Variants in CNTN5 observed in about 807,000 individuals in gnomAD.
CNTN5 encodes the protein contactin-5.
Under a neutral mutation model 129.1 loss-of-function variants are expected in CNTN5, and 77 were observed. That is an observed-to-expected ratio of 0.60 (90% CI 0.50 to 0.72). CNTN5 has a LOEUF of 0.72. CNTN5 is among the 30% of genes least tolerant of loss of function. The pLI, the probability that CNTN5 is intolerant of heterozygous loss-of-function variation, is 0.00. For missense variants in CNTN5, 1,478 were observed against 1,328.8 expected (o/e 1.11, Z -1.75); for synonymous variants, 509 against 465.6 (o/e 1.09, Z -1.20).
chr11:99,971,908 A>G (rs1400681780), intron 8 of CNTN5, among the ~76,000 whole-genome samples: 4 of 151,114 alleles, frequency 2.6e-5, no homozygotes, highest in Non-Finnish European at 5.9e-5. Flanking sequence ...CAATAATGTG[A>G]TCCCCAAACA....
intron 2 of CNTN5, among the ~76,000 whole-genome samples, chr11:99,374,419 A>G (rs896011533): frequency 1.3e-5 from 2 of 152,172 alleles, no homozygotes; most frequent in African/African-American, 4.8e-5. Context: ...CAGTTTTTCA[A>G]TGTATATAAA....
Position 100,340,489 on chromosome 11 carries a change from GGAA to G in CNTN5, c.2760_2762del (p.Glu920del). On this transcript the variant is annotated inframe_deletion, in exon 22 of 25. Transcript: ENST00000524871. ...TTGGTTACTGGAAAGACATGGAACA[GGAA>G]GATACAGCAGAAACAGTCAAAACTA... 1 of 1,612,030 alleles carries G rather than the reference GGAA, an allele frequency of 6.2e-7. No individual in the cohort carries two copies. Among genetic ancestry groups the G allele is most frequent in the Non-Finnish European group, 8.5e-7 (1 of 1,178,988 alleles).
chr11:99,606,402 A>G (rs71474529), intron 3 of CNTN5, among the ~76,000 whole-genome samples: 4 of 137,370 alleles, frequency 2.9e-5, no homozygotes, highest in African/African-American at 1.1e-4. Flanking sequence ...GATGTGAAGG[A>G]CCTCTTCAAG....
intron 8 of CNTN5, among the ~76,000 whole-genome samples, chr11:99,982,461 T>A (rs1279578836): frequency 6.6e-6 from 1 of 151,622 alleles, no homozygotes; most frequent in African/African-American, 2.4e-5. Context: ...GTAGTGAAGG[T>A]TTTAATTAGA....
chr11:99,269,301 G>A (rs982882417), intron 1 of CNTN5, among the ~76,000 whole-genome samples: 4 of 150,616 alleles, frequency 2.7e-5, no homozygotes, highest in Non-Finnish European at 5.9e-5. Flanking sequence ...TATTACTTTA[G>A]GTAATAGTTT....
intron 3 of CNTN5, among the ~76,000 whole-genome samples, chr11:99,640,716 A>G (rs1452880905): frequency 6.6e-6 from 1 of 152,240 alleles, no homozygotes; most frequent in Non-Finnish European, 1.5e-5. Flanking sequence ...GCAATAGGCT[A>G]TACCATACCT....
intron 13 of CNTN5, among the ~76,000 whole-genome samples, chr11:100,157,928 C>T (rs1947312348): frequency 6.6e-6 from 1 of 151,530 alleles, no homozygotes; most frequent in Non-Finnish European, 1.5e-5. Flanking sequence ...TGAATTAAAG[C>T]TCTAAATACA....
intron 1 of CNTN5, among the ~76,000 whole-genome samples, chr11:99,139,610 A>G (rs1859415468): frequency 6.6e-6 from 1 of 151,888 alleles, no homozygotes; most frequent in South Asian, 2.1e-4. Flanking sequence ...TCCAATTATA[A>G]AACATCTTTT....
At chr11:99,649,092 T>C (rs1349240565) in intron 3 of CNTN5, among the ~76,000 whole-genome samples, 1 of 151,758 alleles carries the variant, frequency 6.6e-6, no homozygotes, top group Non-Finnish European at 1.5e-5. Flanking sequence ...TATTTGAGAA[T>C]CTTGATATGC....
chr11:99,540,787 A>G (rs915327356), intron 2 of CNTN5, among the ~76,000 whole-genome samples: 1 of 152,090 alleles, frequency 6.6e-6, no homozygotes, highest in African/African-American at 2.4e-5. Context: ...GAAATTTGGT[A>G]TATGATAGAT....
At chr11:99,711,892 T>A (rs1955005701) in intron 3 of CNTN5, among the ~76,000 whole-genome samples, 1 of 152,108 alleles carries the variant, frequency 6.6e-6, no homozygotes, top group African/African-American at 2.4e-5. Context: ...TGATGGGTAT[T>A]TGGGCTGGTT....
At chr11:99,992,520 AT>A (rs1203282154) in intron 8 of CNTN5, among the ~76,000 whole-genome samples, 3 of 152,056 alleles carry the variant, frequency 2.0e-5, no homozygotes, top group African/African-American at 7.2e-5. Context: ...CCATTCTTGA[AT>A]TTTTTTAATG....
chr11:100,195,761 C>T (rs768487977), intron 15 of CNTN5, among the ~76,000 whole-genome samples: 2 of 151,938 alleles, frequency 1.3e-5, no homozygotes, highest in Non-Finnish European at 2.9e-5. Context: ...CTCTCAGTTA[C>T]TTCAAACACT....
intron 15 of CNTN5, among the ~76,000 whole-genome samples, chr11:100,198,869 G>C (rs1197568642): frequency 6.6e-6 from 1 of 151,768 alleles, no homozygotes; most frequent in East Asian, 1.9e-4. Flanking sequence ...ACCCCTTAGT[G>C]CCTTGAGAAT....
At chr11:99,281,441 G>A (rs745332014) in intron 1 of CNTN5, among the ~76,000 whole-genome samples, 19 of 152,082 alleles carry the variant, frequency 1.2e-4, no homozygotes, top group African/African-American at 3.6e-4. Context: ...CTAAGAGTGA[G>A]TGCTTCCTCA....
At chr11:100,196,435 CTA>C (rs1430630196) in intron 15 of CNTN5, among the ~76,000 whole-genome samples, 1 of 151,914 alleles carries the variant, frequency 6.6e-6, no homozygotes, top group Non-Finnish European at 1.5e-5. Context: ...ATATAAATCT[CTA>C]GTCAATTATT....
chr11:99,842,946 C>T (rs1303605197), intron 4 of CNTN5, among the ~76,000 whole-genome samples: 2 of 152,062 alleles, frequency 1.3e-5, no homozygotes, highest in African/African-American at 4.8e-5. Flanking sequence ...AAAAGTGCAG[C>T]TAGGCCAGTC....
chr11:99,479,281 T>C (rs1304718690), intron 2 of CNTN5, among the ~76,000 whole-genome samples: 1 of 151,856 alleles, frequency 6.6e-6, no homozygotes, highest in African/African-American at 2.4e-5. Flanking sequence ...TTTTTTACTA[T>C]TTTATAAGAA....
rs192027316 is a variant in CNTN5 at position 99,284,289 on chromosome 11, A to T, written c.-209-41057A>T. Among the ~76,000 whole-genome samples the T allele has an allele frequency of 3.3e-5, 5 of 152,246 alleles. No individual in the cohort carries two copies. The East Asian group carries it at 9.7e-4, about 29-fold the overall frequency. On this transcript the variant is annotated intron_variant, in intron 1 of 24. Coordinates refer to ENST00000524871, the MANE Select transcript of CNTN5 (RefSeq NM_014361.4). ...CACACACGTACACACATGCACACAA[A>T]TGCACACATGACATGTTATGGGATA...
Sources: allele counts gnomAD v4.1 joint callset (sites outside exome capture counted in the v4.1 genomes callset), GRCh38; gene constraint gnomAD v4.1.1; transcripts MANE v1.5; gene names NCBI Gene and HGNC (gene_info 2026-07-23, HGNC 2026-07-21).